Variants in SPMIP8 observed in about 807,000 individuals in gnomAD.
SPMIP8 encodes sperm microtubule inner protein 8.
the SPMIP8 span, among the ~76,000 whole-genome samples, chr16:57,983,281 C>A: frequency 6.6e-6 from 1 of 152,008 alleles, no homozygotes; most frequent in African/African-American, 2.4e-5. Context: ...CCATACCTGG[C>A]ATTTTTTGTT....
the SPMIP8 span, chr16:57,987,128 T>C: frequency 2.5e-6 from 1 of 402,102 alleles, no homozygotes. Flanking sequence ...CCTAACAGAG[T>C]AGGTTCACTA....
the SPMIP8 span, among the ~76,000 whole-genome samples, chr16:57,982,548 C>G: frequency 2.0e-5 from 3 of 152,112 alleles, no homozygotes; most frequent in Admixed American, 2.0e-4. Context: ...TCTGAATCAC[C>G]AGGTTAAACA....
the SPMIP8 span, chr16:57,984,186 G>A: frequency 1.1e-6 from 1 of 922,648 alleles, no homozygotes; most frequent in Admixed American, 1.7e-5. Context: ...TTACAGGTGT[G>A]AGCCATCGTG....
At chr16:57,984,887 G>T in the SPMIP8 span, 1 of 1,475,576 alleles carries the variant, frequency 6.8e-7, no homozygotes, top group African/African-American at 1.4e-5. Flanking sequence ...GACTGCGGAC[G>T]GGAACGCAGG....
the SPMIP8 span, chr16:57,985,938 A>G: frequency 1.8e-5 from 29 of 1,612,466 alleles, no homozygotes; most frequent in South Asian, 2.4e-4. Flanking sequence ...GGCTCCAGCT[A>G]CAGGTAGGGG....
the SPMIP8 span, chr16:57,986,611 T>C: frequency 6.6e-6 from 1 of 151,936 alleles, no homozygotes; most frequent in Non-Finnish European, 1.5e-5. Flanking sequence ...TTATTATTAT[T>C]GAGACGGAGT....
chr16:57,984,414 A>G, the SPMIP8 span: 1 of 1,569,646 alleles, frequency 6.4e-7, no homozygotes, highest in Non-Finnish European at 8.7e-7. Context: ...CACCAGCCCC[A>G]AGCACCTCTG....
the SPMIP8 span, chr16:57,986,036 G>T: frequency 6.9e-7 from 1 of 1,458,564 alleles, no homozygotes. Context: ...AAACCCCCCT[G>T]CCCCAGCGAG....
chr16:57,984,695 C>T, the SPMIP8 span: 6 of 1,597,008 alleles, frequency 3.8e-6, no homozygotes, highest in Non-Finnish European at 5.1e-6. Flanking sequence ...AGCTGGCGCC[C>T]ATCGCGCCAG....
the SPMIP8 span, among the ~76,000 whole-genome samples, chr16:57,981,690 A>G: frequency 6.6e-6 from 1 of 150,816 alleles, no homozygotes; most frequent in South Asian, 2.1e-4. Context: ...TGATTTTTGT[A>G]TTTTTAGTAG....
the SPMIP8 span, chr16:57,987,370 C>T: frequency 1.3e-6 from 2 of 1,542,424 alleles, no homozygotes; most frequent in Non-Finnish European, 1.7e-6. Context: ...TGGAAACCCC[C>T]ACCTCACCCC....
the SPMIP8 span, among the ~76,000 whole-genome samples, chr16:57,980,498 T>C: frequency 2.9e-3 from 440 of 152,302 alleles, 5 homozygotes; most frequent in African/African-American, 0.01. Context: ...TGGAGAAAGT[T>C]ACTGAAATCA....
At chr16:57,987,025 A>T in the SPMIP8 span, 5 of 200,162 alleles carry the variant, frequency 2.5e-5, no homozygotes, top group Non-Finnish European at 5.0e-5. Context: ...ATCGAGTGCA[A>T]TACTCAGACT....
chr16:57,984,925 G>A, the SPMIP8 span: 1 of 1,376,022 alleles, frequency 7.3e-7, no homozygotes, highest in Non-Finnish European at 9.7e-7. Flanking sequence ...ACAGGGCGGG[G>A]CCGCTGAGAT....
At chr16:57,984,544 T>C in the SPMIP8 span, 1 of 1,497,582 alleles carries the variant, frequency 6.7e-7, no homozygotes, top group Non-Finnish European at 8.9e-7. Context: ...ACCGGGCCAC[T>C]TGTCAACTGA....
At chr16:57,982,825 T>C in the SPMIP8 span, among the ~76,000 whole-genome samples, 1 of 151,202 alleles carries the variant, frequency 6.6e-6, no homozygotes, top group Admixed American at 6.6e-5. Context: ...AGGTCAGGAG[T>C]TCAAGACCAG....
At chr16:57,986,076 A>G in the SPMIP8 span, 1 of 1,146,832 alleles carries the variant, frequency 8.7e-7, no homozygotes, top group Non-Finnish European at 1.2e-6. Flanking sequence ...CCCTCCTGGG[A>G]GGGCGCGAGC....
the SPMIP8 span, chr16:57,977,866 T>C: frequency 1.6e-5 from 26 of 1,613,982 alleles, no homozygotes; most frequent in South Asian, 5.5e-5. Context: ...TCCACACATG[T>C]GTATGCCTCC....
At chr16:57,981,161 G>A in the SPMIP8 span, among the ~76,000 whole-genome samples, 10 of 151,820 alleles carry the variant, frequency 6.6e-5, no homozygotes, top group Non-Finnish European at 1.3e-4. Flanking sequence ...CAAGTGGATC[G>A]CCTGAGGTCA....
Sources: allele counts gnomAD v4.1 joint callset (sites outside exome capture counted in the v4.1 genomes callset), GRCh38; gene constraint gnomAD v4.1.1; transcripts MANE v1.5; gene names NCBI Gene and HGNC (gene_info 2026-07-23, HGNC 2026-07-21).